The following TASP1 variants were observed in gnomAD, a reference collection of about 807,000 sequenced individuals.
The protein encoded by TASP1 is threonine aspartase 1.
Under a neutral mutation model 56.6 loss-of-function variants are expected in TASP1, and 16 were observed. That is an observed-to-expected ratio of 0.28 (90% CI 0.19 to 0.43). The LOEUF (loss-of-function observed/expected upper bound fraction) is 0.43, where lower values mean the gene tolerates loss of function less well. Ranked by LOEUF, TASP1 falls within the 20% of genes least tolerant of loss-of-function variation. The probability of loss-of-function intolerance (pLI) is 1.00; values close to 1 mark genes in which losing one functional copy is unlikely to be tolerated. For missense variants in TASP1, 393 were observed against 511.6 expected (o/e 0.77, Z 2.24); for synonymous variants, 179 against 184.2 (o/e 0.97, Z 0.23).
At chr20:13,293,654 G>C in the TASP1 span, among the ~76,000 whole-genome samples, 13 of 152,230 alleles carry the variant, frequency 8.5e-5, no homozygotes, top group Non-Finnish European at 1.8e-4. Context: ...AAAGTCTGGA[G>C]GAAAATAATG....
chr20:13,293,726 C>T, the TASP1 span, among the ~76,000 whole-genome samples: 6 of 152,164 alleles, frequency 3.9e-5, no homozygotes, highest in East Asian at 1.2e-3. Flanking sequence ...GTAATCCCAG[C>T]ACTTTGGGAG....
chr20:13,221,998 C>G, the TASP1 span: 1 of 1,193,104 alleles, frequency 8.4e-7, no homozygotes, highest in African/African-American at 1.6e-5. Flanking sequence ...CGGGTGGATG[C>G]AGGGAGGCAG....
At chr20:13,565,901 T>C (rs904921730) in intron 7 of TASP1, among the ~76,000 whole-genome samples, 2 of 152,232 alleles carry the variant, frequency 1.3e-5, no homozygotes, top group African/African-American at 4.8e-5. Context: ...ATAGCCATGT[T>C]CACAGTAGCA....
At chr20:13,464,845 T>G (rs2044187507) in intron 11 of TASP1, among the ~76,000 whole-genome samples, 1 of 152,068 alleles carries the variant, frequency 6.6e-6, no homozygotes, top group East Asian at 1.9e-4. Context: ...GTGAAGATGC[T>G]TAACCCTACA....
At chr20:13,358,101 A>G in the TASP1 span, among the ~76,000 whole-genome samples, 1,246 of 149,128 alleles carry the variant, frequency 8.4e-3, 15 homozygotes, top group African/African-American at 0.031. Context: ...TCCTGGCTCA[A>G]AAAGCACCCC....
At chr20:13,505,539 C>G (rs1030514540) in intron 10 of TASP1, among the ~76,000 whole-genome samples, 1 of 152,022 alleles carries the variant, frequency 6.6e-6, no homozygotes, top group East Asian at 1.9e-4. Flanking sequence ...AAACTCTTAA[C>G]AAATTTAAGA....
the TASP1 span, among the ~76,000 whole-genome samples, chr20:13,311,549 A>G: frequency 6.6e-6 from 1 of 152,260 alleles, no homozygotes; most frequent in Non-Finnish European, 1.5e-5. Context: ...GTTCATATAC[A>G]GATAAACAAG....
chr20:13,419,474 C>T (rs2042365489), intron 12 of TASP1, among the ~76,000 whole-genome samples: 1 of 152,154 alleles, frequency 6.6e-6, no homozygotes, highest in Non-Finnish European at 1.5e-5. Context: ...TCCAGGGATG[C>T]CCACAAAGCT....
Position 13,390,261 on chromosome 20 carries a change from T to C in TASP1, c.*99A>G. Reference sequence around the variant, plus strand: ...CAGTGCACGAGGTTGCAATAGGAATTATAAAACAAGAAAGATAAAACAACC... The same window carrying C: ...CAGTGCACGAGGTTGCAATAGGAATCATAAAACAAGAAAGATAAAACAACC... On this transcript the variant is annotated 3_prime_UTR_variant, in exon 14 of 14. Transcript: ENST00000337743. 8.9e-7 allele frequency: 1 copy of C among 1,118,262 alleles called. No individual in the cohort carries two copies. Among genetic ancestry groups the C allele is most frequent in the Non-Finnish European group, 1.3e-6 (1 of 766,232 alleles). The allele number at this position is 1,118,262 out of a possible 1,614,324, so 69.3% of individuals were successfully genotyped here. A position where few individuals can be genotyped will look rare whatever the true frequency, so the allele number is the denominator to read the frequency against.
At chr20:13,144,931 C>G in the TASP1 span, among the ~76,000 whole-genome samples, 1 of 152,132 alleles carries the variant, frequency 6.6e-6, no homozygotes, top group Non-Finnish European at 1.5e-5. Context: ...CCCGCCACCA[C>G]GCCCAGCTAA....
intron 11 of TASP1, among the ~76,000 whole-genome samples, chr20:13,463,642 C>G (rs937339054): frequency 2.6e-5 from 4 of 152,036 alleles, no homozygotes; most frequent in Non-Finnish European, 5.9e-5. Flanking sequence ...ATACAAAGAA[C>G]TTTTACAACT....
chr20:13,117,530 GC>G, the TASP1 span: 2 of 1,604,568 alleles, frequency 1.2e-6, no homozygotes, highest in East Asian at 2.2e-5. Context: ...TCGTGCATCT[GC>G]CCCAGATCAT....
intron 4 of TASP1, among the ~76,000 whole-genome samples, chr20:13,620,525 T>C (rs1239192827): frequency 3.3e-5 from 5 of 152,172 alleles, no homozygotes; most frequent in Admixed American, 3.3e-4. Context: ...GCCTAAGTAA[T>C]AATATAACGG....
the TASP1 span, among the ~76,000 whole-genome samples, chr20:13,265,226 G>A: frequency 1.3e-5 from 2 of 152,116 alleles, no homozygotes; most frequent in African/African-American, 4.8e-5. Context: ...CCAGCTCCCT[G>A]TTCTCTTAAC....
Position 13,629,800 on chromosome 20 carries a change from C to T in TASP1, c.145+134G>A. Reference sequence around the variant, plus strand: ...AGGTCCTCACTATATCCAAGTCAAACAATCGCTTTGCTTCCAATTCCTCTC... The same window carrying T: ...AGGTCCTCACTATATCCAAGTCAAATAATCGCTTTGCTTCCAATTCCTCTC... On this transcript the variant is annotated intron_variant, in intron 2 of 13. Transcript: ENST00000337743. 2.2e-6 allele frequency: 3 copies of T among 1,343,120 alleles called. No individual in the cohort carries two copies. In the Admixed American group the frequency reaches 5.9e-5, roughly 27 times the overall value. 83.2% of individuals were successfully genotyped at this position (1,343,120 alleles called of 1,614,324 possible). A position where few individuals can be genotyped will look rare whatever the true frequency, so the allele number is the denominator to read the frequency against.
chr20:13,462,915 C>T (rs942479245), intron 11 of TASP1, among the ~76,000 whole-genome samples: 2 of 151,900 alleles, frequency 1.3e-5, no homozygotes, highest in Non-Finnish European at 2.9e-5. Flanking sequence ...TTATGGAGTA[C>T]AATTAATATT....
At chr20:13,579,595 C>A (rs2047046363) in intron 6 of TASP1, among the ~76,000 whole-genome samples, 1 of 152,094 alleles carries the variant, frequency 6.6e-6, no homozygotes, top group African/African-American at 2.4e-5. Context: ...TCGTGATCTG[C>A]CCGCCTCAGC....
chr20:13,381,539 A>C, the TASP1 span, among the ~76,000 whole-genome samples: 1 of 152,166 alleles, frequency 6.6e-6, no homozygotes, highest in Non-Finnish European at 1.5e-5. Flanking sequence ...GAAGTCTGTT[A>C]AGGATAGTTT....
intron 11 of TASP1, among the ~76,000 whole-genome samples, chr20:13,449,579 T>C (rs555523658): frequency 1.1e-4 from 17 of 152,272 alleles, no homozygotes; most frequent in Admixed American, 3.9e-4. Context: ...GTGACAACAA[T>C]GGCTTTGCAC....
Sources: allele counts gnomAD v4.1 joint callset (sites outside exome capture counted in the v4.1 genomes callset), GRCh38; gene constraint gnomAD v4.1.1; transcripts MANE v1.5; gene names NCBI Gene and HGNC (gene_info 2026-07-23, HGNC 2026-07-21).